The following GPCPD1 variants were observed in gnomAD, a reference collection of about 807,000 sequenced individuals.
The protein encoded by GPCPD1 is glycerophosphocholine phosphodiesterase GPCPD1.
In GPCPD1, 29 loss-of-function variants were observed where a neutral mutation model predicts 89.2. The ratio of observed to expected loss-of-function variants is 0.33; its 90% CI spans 0.24 to 0.44. GPCPD1 has a LOEUF of 0.44. GPCPD1 is among the 20% of genes least tolerant of loss of function. GPCPD1 has a pLI of 1.00. For synonymous variants in GPCPD1, 258 were observed against 266.3 expected, an observed-to-expected ratio of 0.97 and a Z score of 0.30; for missense variants, 594 against 808.9, an observed-to-expected ratio of 0.73 and a Z score of 3.22.
chr20:5,592,344 C>G (rs907511141), intron 4 of GPCPD1, among the ~76,000 whole-genome samples: 2 of 152,138 alleles, frequency 1.3e-5, no homozygotes, highest in African/African-American at 4.8e-5. Flanking sequence ...AAACTATTGT[C>G]AAGAAAAGCC....
At chr20:5,580,160 T>C (rs1462828964) in intron 6 of GPCPD1, 29 bp from the exon 7 acceptor site, 2 of 1,242,998 alleles carry the variant, frequency 1.6e-6, no homozygotes, top group South Asian at 1.3e-5. Context: ...AGAACAGTAA[T>C]TATTATACAT....
In GPCPD1 at chr20:5,545,493, C is replaced by T. The variant is rs1294021321; in HGVS notation, c.*2168G>A. On this transcript the variant is annotated 3_prime_UTR_variant, in exon 20 of 20. Coordinates refer to ENST00000379019, the MANE Select transcript of GPCPD1 (RefSeq NM_019593.5). ...GGGCTCAGGAGAGAGGTCTTGGGCA[C>T]AAGAAGAAATGAGTTTGGCAGAGAG... 6.6e-6 allele frequency: 1 copy of T among 152,116 alleles called. No homozygotes were observed. Among genetic ancestry groups the T allele is most frequent in the Non-Finnish European group, 1.5e-5 (1 of 68,138 alleles). 9.4% of individuals were successfully genotyped at this position (152,116 alleles called of 1,614,324 possible).
chr20:5,548,876 C>T (rs907513467), intron 19 of GPCPD1: 25 of 1,004,096 alleles, frequency 2.5e-5, no homozygotes, highest in African/African-American at 1.3e-4. Flanking sequence ...TCCTAATCCC[C>T]CTGTGAAGAG....
chr20:5,567,991 A>C (rs1361926383), intron 12 of GPCPD1: 1 of 152,936 alleles, frequency 6.5e-6, no homozygotes, highest in African/African-American at 2.4e-5. Context: ...AATCTTTTCG[A>C]AGACTTTTAA....
rs1301572328 is a variant in GPCPD1 at position 5,565,049 on chromosome 20, A to T, written c.1297T>A (p.Ser433Thr). 6.4e-7 allele frequency: 1 copy of T among 1,555,210 alleles called. No homozygotes were observed. The change falls in exon 15 of 20, where the codon TCA (serine) becomes ACA (threonine). Residue 433 changes from serine (S) to threonine (T), a missense_variant. Physicochemically the swap from Ser to Thr is moderately conservative, Grantham distance 58. Transcript: ENST00000379019. ...ESVVQEENSF[S>T]ENQPFPSLKM... is the part of the protein sequence containing the mutation. ...AGAGAAGGAAATGGCTGATTTTCTG[A>T]AAAGGAATTTTCCTCCTGAACCACA...
chr20:5,588,868 G>A (rs1979126622), intron 4 of GPCPD1, among the ~76,000 whole-genome samples: 1 of 152,040 alleles, frequency 6.6e-6, no homozygotes, highest in Admixed American at 6.6e-5. Flanking sequence ...AGGGTGCTAT[G>A]AATATAATAT....
chr20:5,551,557 A>T (rs1408626156), intron 19 of GPCPD1, among the ~76,000 whole-genome samples: 3 of 152,226 alleles, frequency 2.0e-5, no homozygotes, highest in Non-Finnish European at 2.9e-5. Context: ...AGGTATAGCT[A>T]CATGCAACAA....
intron 1 of GPCPD1, among the ~76,000 whole-genome samples, chr20:5,608,497 G>A (rs760182272): frequency 1.1e-4 from 17 of 152,150 alleles, no homozygotes; most frequent in Non-Finnish European, 2.4e-4. Flanking sequence ...GTCTGGTGCA[G>A]TGTTGTAGTA....
At chr20:5,558,852 A>G (rs1391280695) in intron 17 of GPCPD1, 33 bp from the exon 18 acceptor site, 2 of 1,488,506 alleles carry the variant, frequency 1.3e-6, no homozygotes. Flanking sequence ...ATACCTTTCA[A>G]TGGGGGGTAA....
intron 6 of GPCPD1, among the ~76,000 whole-genome samples, chr20:5,580,642 C>T (rs554716702): frequency 3.3e-4 from 50 of 149,916 alleles, no homozygotes; most frequent in Admixed American, 9.4e-4. Flanking sequence ...AGGAGAATGG[C>T]GTGAACCCAG....
At chr20:5,570,571 G>C (rs1228238417) in intron 11 of GPCPD1, among the ~76,000 whole-genome samples, 1 of 152,152 alleles carries the variant, frequency 6.6e-6, no homozygotes, top group East Asian at 1.9e-4. Context: ...CAAGCTCAGG[G>C]ATCCCACACA....
chr20:5,585,614 C>CAAA (rs199524076), intron 5 of GPCPD1: 1 of 78,874 alleles, frequency 1.3e-5, no homozygotes, highest in African/African-American at 4.1e-5. Context: ...AAACAACTTA[C>CAAA]AAAAAAAAAA....
intron 8 of GPCPD1, 116 bp downstream of exon 8, chr20:5,578,264 A>G (rs1200294227): frequency 1.6e-5 from 11 of 672,044 alleles, no homozygotes; most frequent in Non-Finnish European, 2.7e-5. Flanking sequence ...ACAGAAGAGC[A>G]TACCTCTAAA....
chr20:5,574,430 A>G (rs1042460287), intron 10 of GPCPD1, among the ~76,000 whole-genome samples: 1 of 152,146 alleles, frequency 6.6e-6, no homozygotes. Context: ...AAGGGGGAAA[A>G]TGTATTGTTT....
chr20:5,553,179 C>T (rs1031952604), intron 19 of GPCPD1, among the ~76,000 whole-genome samples: 2 of 152,140 alleles, frequency 1.3e-5, no homozygotes, highest in Non-Finnish European at 2.9e-5. Context: ...TTCATATCTG[C>T]GTCACATTTT....
At chr20:5,570,433 A>C (rs1436498564) in intron 11 of GPCPD1, among the ~76,000 whole-genome samples, 194 bp from the exon 12 acceptor site, 4 of 150,602 alleles carry the variant, frequency 2.7e-5, no homozygotes, top group African/African-American at 9.9e-5. Context: ...TGGCAAAAAA[A>C]AAAAAAAAAA....
intron 10 of GPCPD1, 178 bp from the exon 11 acceptor site, chr20:5,574,147 A>G: frequency 1.7e-6 from 1 of 587,578 alleles, no homozygotes; most frequent in Non-Finnish European, 3.0e-6. Flanking sequence ...CCTTAAATGC[A>G]AGCTCTGACA....
At chr20:5,569,660 C>T (rs865869303) in intron 12 of GPCPD1, among the ~76,000 whole-genome samples, 13 of 152,092 alleles carry the variant, frequency 8.5e-5, no homozygotes, top group Middle Eastern at 3.2e-3. Context: ...TGAACATTTC[C>T]CTTTTCAGCT....
intron 3 of GPCPD1, among the ~76,000 whole-genome samples, chr20:5,594,382 C>T (rs1417847536): frequency 5.3e-5 from 8 of 152,032 alleles, no homozygotes; most frequent in Middle Eastern, 3.4e-3. Flanking sequence ...CTCCGCCTCC[C>T]GGGTTCATGC....
Sources: gnomAD v4.1 joint callset for allele counts (sites outside exome capture counted in the v4.1 genomes callset) on GRCh38, gnomAD v4.1.1 for gene constraint, MANE v1.5 for transcripts, NCBI Gene and HGNC (gene_info 2026-07-23, HGNC 2026-07-21) for gene names.